Variants in SH3GLB2 observed in about 807,000 individuals in gnomAD.
The protein encoded by SH3GLB2 is endophilin-B2.
SH3GLB2 carries 24 observed loss-of-function variants against 48.0 expected under a neutral mutation model. The observed-to-expected ratio is 0.50, with a 90% CI of 0.36 to 0.70. The LOEUF (loss-of-function observed/expected upper bound fraction) is 0.70, where lower values mean the gene tolerates loss of function less well. SH3GLB2 is among the 30% of genes least tolerant of loss of function. The pLI is 0.00. For synonymous variants in SH3GLB2, 227 were observed against 207.6 expected (o/e 1.09, Z -0.80); for missense variants, 425 against 516.0 (o/e 0.82, Z 1.71).
intron 1 of SH3GLB2, among the ~76,000 whole-genome samples, chr9:129,023,119 C>T (rs758486093): frequency 2.6e-5 from 4 of 152,300 alleles, no homozygotes; most frequent in African/African-American, 7.2e-5. Context: ...TGCTGCCCCA[C>T]GTAAGGCACC....
In SH3GLB2 at chr9:129,017,113, A is replaced by G. The variant is rs79339623; in HGVS notation, c.335-2209T>C. 5.1e-4 allele frequency among the ~76,000 whole-genome samples: 78 copies of G among 151,864 alleles called. 1 individual carries two copies. The East Asian group carries it at 0.011, about 20-fold the overall frequency. ...TAGGCGCGCACCAGCATGCCCAGCT[A>G]ATTTTTTTGTATTTTTAGTAGAGAC... On this transcript the variant is annotated intron_variant, in intron 3 of 10. Transcript: ENST00000372564.
chr9:129,012,132 G>C lies in SH3GLB2; in HGVS notation c.624+104C>G, dbSNP rs557608141. The C allele has an allele frequency of 4.2e-6, 3 of 713,500 alleles. No homozygotes were observed. In the African/African-American group the frequency reaches 5.6e-5, roughly 13 times the overall value. 44.2% of individuals were successfully genotyped at this position (713,500 alleles called of 1,614,324 possible). A position where few individuals can be genotyped will look rare whatever the true frequency, so the allele number is the denominator to read the frequency against. The stretch of plus-strand genomic sequence containing the variant: ...GACCTGATCACATGGCAGTGCCCCC[G>C]CCTTACCCAAGCTGGCTTCTAGCTC... On this transcript the variant is annotated intron_variant, in intron 6 of 10. Transcript: ENST00000372564.
At position 129,022,557 on chromosome 9, in the gene SH3GLB2, C is replaced by G. The variant is rs1262024700; in HGVS notation, c.64-134G>C. 24 of 730,098 alleles carry G rather than the reference C, an allele frequency of 3.3e-5. No individual in the cohort carries two copies. In the East Asian group the frequency reaches 4.8e-4, roughly 15 times the overall value. The allele number at this position is 730,098 out of a possible 1,614,324, so 45.2% of individuals were successfully genotyped here. A position where few individuals can be genotyped will look rare whatever the true frequency, so the allele number is the denominator to read the frequency against. The stretch of plus-strand genomic sequence containing the variant: ...AGGCCCCAGGGTCAAGGAACCAGCC[C>G]TGAGTGTGATACTGTGTGACCTGGC... On this transcript the variant is annotated intron_variant, in intron 1 of 10. Transcript: ENST00000372564.
intron 1 of SH3GLB2, 58 bp from the exon 2 acceptor site, chr9:129,022,481 GAGTGGT>G: frequency 1.4e-6 from 2 of 1,417,014 alleles, no homozygotes; most frequent in Non-Finnish European, 2.0e-6. Context: ...GGAGGTGGGG[GAGTGGT>G]GGGGAAAGGG....
At chr9:129,022,027 G>A (rs947811737) in intron 2 of SH3GLB2, among the ~76,000 whole-genome samples, 7 of 150,460 alleles carry the variant, frequency 4.7e-5, no homozygotes, top group African/African-American at 1.7e-4. Context: ...CTTCTCCCAC[G>A]TGTGTTTTAG....
intron 3 of SH3GLB2, chr9:129,015,872 A>AAAAAG (rs755113051): frequency 6.0e-6 from 2 of 331,724 alleles, no homozygotes; most frequent in East Asian, 9.9e-5. Flanking sequence ...TGTCTTTAAA[A>AAAAAG]AAAAGAAAAG....
chr9:129,012,243 G>A lies in SH3GLB2; in HGVS notation c.617C>T (p.Ala206Val). ...RPRNYILSAS[A>V]SALWNDEVDK... ...GGGGTGGGGTGCGCTTACCGCGGAG[G>A]CGCTGGCCGAGAGAATGTAATTACG... Residue 206 changes from alanine to valine, a missense_variant, in exon 6 of 11, where the codon GCC becomes GTC. By Grantham distance (64) the Ala-to-Val change is moderately conservative (BLOSUM62 0). Transcript: ENST00000372564. 1 of 1,294,810 alleles carries A rather than the reference G, an allele frequency of 7.7e-7. No homozygotes were observed. The highest frequency in any genetic ancestry group is 3.1e-5 in the South Asian group (1 of 31,972). 80.2% of individuals were successfully genotyped at this position (1,294,810 alleles called of 1,614,324 possible).
intron 5 of SH3GLB2, chr9:129,013,378 G>A: frequency 3.1e-6 from 1 of 323,502 alleles, no homozygotes; most frequent in Non-Finnish European, 5.9e-6. Flanking sequence ...GATGGAGAGA[G>A]TGTGTTCTGG....
intron 9 of SH3GLB2, 166 bp downstream of exon 9, chr9:129,009,605 C>T: frequency 6.9e-7 from 1 of 1,457,868 alleles, no homozygotes; most frequent in Non-Finnish European, 9.4e-7. Context: ...TAAGGCCAGC[C>T]ACTCCACCCT....
chr9:129,022,753 C>A (rs939504635), intron 1 of SH3GLB2, among the ~76,000 whole-genome samples: 6 of 152,158 alleles, frequency 3.9e-5, no homozygotes, highest in Admixed American at 6.5e-5. Flanking sequence ...GGAGGCCAGC[C>A]CTAGGGTCCT....
intron 5 of SH3GLB2, chr9:129,013,745 T>G: frequency 4.3e-6 from 1 of 233,254 alleles, no homozygotes; most frequent in South Asian, 4.7e-5. Context: ...TGAGGCAGCC[T>G]TTAGGCCTGG....
intron 1 of SH3GLB2, among the ~76,000 whole-genome samples, chr9:129,027,306 G>A (rs1489595289): frequency 2.6e-5 from 4 of 152,252 alleles, no homozygotes; most frequent in East Asian, 1.9e-4. Flanking sequence ...GTCCTGGGAG[G>A]CAGGAATACT....
chr9:129,009,434 T>C, intron 9 of SH3GLB2, 88 bp from the exon 10 acceptor site: 3 of 1,549,954 alleles, frequency 1.9e-6, no homozygotes, highest in South Asian at 1.2e-5. Context: ...GGAGCCCCAC[T>C]CCAGCCCCGG....
intron 2 of SH3GLB2, among the ~76,000 whole-genome samples, chr9:129,021,569 G>A (rs1843799515): frequency 1.3e-5 from 2 of 151,704 alleles, no homozygotes; most frequent in South Asian, 4.2e-4. Context: ...TCCTTTCCCC[G>A]GAAGTCCTGC....
intron 1 of SH3GLB2, among the ~76,000 whole-genome samples, chr9:129,024,704 C>A (rs893088953): frequency 1.3e-5 from 2 of 148,610 alleles, no homozygotes; most frequent in Non-Finnish European, 3.0e-5. Context: ...AGACCAAGAA[C>A]CTGCCTTAAA....
intron 3 of SH3GLB2, among the ~76,000 whole-genome samples, chr9:129,018,786 G>A (rs1843605367): frequency 1.3e-5 from 2 of 151,170 alleles, no homozygotes. Flanking sequence ...CAGCTACTCG[G>A]GAGGCTGAGG....
intron 1 of SH3GLB2, among the ~76,000 whole-genome samples, chr9:129,024,725 CT>C (rs1308228170): frequency 6.7e-6 from 1 of 149,848 alleles, no homozygotes; most frequent in Non-Finnish European, 1.5e-5. Context: ...AAAAGAAAGA[CT>C]TTGGGAGGCC....
chr9:129,009,623 A>C, intron 9 of SH3GLB2, 148 bp downstream of exon 9: 2 of 1,382,090 alleles, frequency 1.4e-6, no homozygotes, highest in Non-Finnish European at 2.0e-6. Context: ...CCTCATACAC[A>C]TGAGATGCCC....
At chr9:129,018,293 A>C (rs1489208471) in intron 3 of SH3GLB2, among the ~76,000 whole-genome samples, 2 of 152,202 alleles carry the variant, frequency 1.3e-5, no homozygotes, top group Non-Finnish European at 2.9e-5. Context: ...GTTAAATTAA[A>C]TTGGCTGGGC....
Sources: allele counts gnomAD v4.1 joint callset (sites outside exome capture counted in the v4.1 genomes callset), GRCh38; gene constraint gnomAD v4.1.1; transcripts MANE v1.5; gene names NCBI Gene and HGNC (gene_info 2026-07-23, HGNC 2026-07-21).